The following NRXN1 variants were observed in gnomAD, a reference collection of about 807,000 sequenced individuals.
NRXN1 encodes neurexin 1, also known as neurexin-1.
NRXN1 carries 39 observed loss-of-function variants against 150.9 expected under a neutral mutation model. The ratio of observed to expected loss-of-function variants is 0.26; its 90% CI spans 0.20 to 0.34. NRXN1 has a LOEUF of 0.34. Among genes scored for constraint, NRXN1 ranks in the 10% least tolerant of loss-of-function variants. The pLI, the probability that NRXN1 is intolerant of heterozygous loss-of-function variation, is 1.00. For synonymous variants in NRXN1, 924 were observed against 757.0 expected, an observed-to-expected ratio of 1.22 and a Z score of -3.62; for missense variants, 1,815 against 1,949.9, an observed-to-expected ratio of 0.93 and a Z score of 1.30.
Position 50,912,445 on chromosome 2 carries a change from G to T in NRXN1, c.832+9424C>A, listed in dbSNP as rs187225555. ...CAAAGATAAATCTCTCAGTGGTCCTGTCCTGTTGCAATAAATCAAGATGAT... is the reference window on the plus strand; with the variant it reads ...CAAAGATAAATCTCTCAGTGGTCCTTTCCTGTTGCAATAAATCAAGATGAT... On this transcript the variant is annotated intron_variant, in intron 5 of 22. Transcript: ENST00000401669. 8.9e-4 allele frequency among the ~76,000 whole-genome samples: 135 copies of T among 151,952 alleles called. 1 individual carries two copies. The highest frequency in any genetic ancestry group is 3.1e-3 in the African/African-American group (127 of 41,474).
intron 5 of NRXN1, among the ~76,000 whole-genome samples, chr2:50,890,070 T>C (rs1038227208): frequency 2.0e-5 from 3 of 151,844 alleles, no homozygotes; most frequent in Admixed American, 6.6e-5. Flanking sequence ...TTTCCTTTAA[T>C]ATAGAGGCTT....
At chr2:50,783,076 T>A (rs748005312) in intron 5 of NRXN1, among the ~76,000 whole-genome samples, 1 of 152,158 alleles carries the variant, frequency 6.6e-6, no homozygotes, top group Non-Finnish European at 1.5e-5. Context: ...TTGAGACAGA[T>A]GAATTTTGGA....
chr2:49,930,301 A>G (rs1387001616), intron 22 of NRXN1, among the ~76,000 whole-genome samples: 1 of 152,202 alleles, frequency 6.6e-6, no homozygotes, highest in African/African-American at 2.4e-5. Context: ...CCATAATATC[A>G]TTAACAAAAT....
At chr2:50,214,514 A>C (rs1051050357) in intron 18 of NRXN1, among the ~76,000 whole-genome samples, 1 of 151,972 alleles carries the variant, frequency 6.6e-6, no homozygotes, top group East Asian at 1.9e-4. Flanking sequence ...TAGTATGACT[A>C]ATGTAAGCAA....
intron 12 of NRXN1, among the ~76,000 whole-genome samples, chr2:50,512,939 T>C (rs766032989): frequency 3.3e-5 from 5 of 152,152 alleles, no homozygotes; most frequent in African/African-American, 7.2e-5. Flanking sequence ...TAGATTCTCA[T>C]ATATTTCAGG....
At chr2:50,333,662 T>A (rs192709681) in intron 17 of NRXN1, among the ~76,000 whole-genome samples, 10 of 151,804 alleles carry the variant, frequency 6.6e-5, no homozygotes, top group Non-Finnish European at 1.5e-4. Context: ...AAGGCAGGCA[T>A]GTTAAGTGTG....
At chr2:50,807,547 G>A (rs998974073) in intron 5 of NRXN1, among the ~76,000 whole-genome samples, 2 of 152,140 alleles carry the variant, frequency 1.3e-5, no homozygotes, top group East Asian at 1.9e-4. Context: ...GGAAGATGGC[G>A]GCCCATGAGG....
intron 5 of NRXN1, among the ~76,000 whole-genome samples, chr2:50,862,506 C>T (rs753266481): frequency 8.2e-4 from 125 of 152,150 alleles, no homozygotes; most frequent in Non-Finnish European, 1.4e-3. Context: ...CTAAGGTCAA[C>T]TCATGTGTAG....
At chr2:50,154,023 A>T (rs2058859089) in intron 18 of NRXN1, among the ~76,000 whole-genome samples, 1 of 151,804 alleles carries the variant, frequency 6.6e-6, no homozygotes, top group African/African-American at 2.4e-5. Context: ...ATAATTTATC[A>T]TCCAAGTCTT....
At chr2:50,259,646 C>T (rs1380268755) in intron 17 of NRXN1, among the ~76,000 whole-genome samples, 1 of 151,816 alleles carries the variant, frequency 6.6e-6, no homozygotes, top group Non-Finnish European at 1.5e-5. Flanking sequence ...TTAAAATATT[C>T]TCCAAATGTA....
chr2:50,069,933 C>T (rs1695976666), intron 19 of NRXN1, among the ~76,000 whole-genome samples: 1 of 150,124 alleles, frequency 6.7e-6, no homozygotes, highest in African/African-American at 2.5e-5. Flanking sequence ...TCACTGCAAG[C>T]TCCACCTCCC....
At chr2:50,705,435 G>A (rs1311097772) in intron 5 of NRXN1, among the ~76,000 whole-genome samples, 1 of 152,118 alleles carries the variant, frequency 6.6e-6, no homozygotes, top group African/African-American at 2.4e-5. Context: ...ATAATCCACG[G>A]AAGCACTTAG....
intron 2 of NRXN1, among the ~76,000 whole-genome samples, chr2:51,010,905 A>G (rs1045220803): frequency 6.6e-6 from 1 of 151,786 alleles, no homozygotes; most frequent in Non-Finnish European, 1.5e-5. Context: ...CTCAGCCTCA[A>G]AAATAGCAGG....
At chr2:50,648,190 A>G (rs985086602) in intron 5 of NRXN1, among the ~76,000 whole-genome samples, 4 of 152,008 alleles carry the variant, frequency 2.6e-5, no homozygotes, top group African/African-American at 9.7e-5. Context: ...TCAATCGCCA[A>G]CAACGACATA....
chr2:50,400,161 G>C (rs1163079638), intron 17 of NRXN1, among the ~76,000 whole-genome samples: 1 of 151,954 alleles, frequency 6.6e-6, no homozygotes, highest in Non-Finnish European at 1.5e-5. Flanking sequence ...ACTGTTACTT[G>C]CTGATATAAA....
Position 50,063,885 on chromosome 2 carries a change from A to G in NRXN1, c.3719-8841T>C, listed in dbSNP as rs1044095421. Among the ~76,000 whole-genome samples the G allele has an allele frequency of 5.9e-5, 9 of 152,260 alleles. No individual in the cohort carries two copies. The East Asian group carries it at 1.7e-3, about 29-fold the overall frequency. ...TAATTGCTTGTTAAGTAATTTCTAAATGAAAACTGAACCCATACAGTTATG... is the reference window on the plus strand; with the variant it reads ...TAATTGCTTGTTAAGTAATTTCTAAGTGAAAACTGAACCCATACAGTTATG... On this transcript the variant is annotated intron_variant, in intron 19 of 22. Transcript: ENST00000401669.
At chr2:50,807,302 T>G (rs1207492355) in intron 5 of NRXN1, among the ~76,000 whole-genome samples, 1 of 152,140 alleles carries the variant, frequency 6.6e-6, no homozygotes, top group African/African-American at 2.4e-5. Flanking sequence ...CCAGCTTTGG[T>G]ATGGCTAAGG....
At chr2:50,099,491 C>T (rs868461404) in intron 18 of NRXN1, among the ~76,000 whole-genome samples, 1 of 152,058 alleles carries the variant, frequency 6.6e-6, no homozygotes, top group African/African-American at 2.4e-5. Flanking sequence ...AGAACATTTG[C>T]ATCATGCTCC....
At chr2:50,657,144 C>T (rs1004969577) in intron 5 of NRXN1, among the ~76,000 whole-genome samples, 1 of 151,966 alleles carries the variant, frequency 6.6e-6, no homozygotes, top group African/African-American at 2.4e-5. Context: ...TCCACCATTT[C>T]ATCTGTGGGC....
Sources: allele counts gnomAD v4.1 joint callset (sites outside exome capture counted in the v4.1 genomes callset), GRCh38; gene constraint gnomAD v4.1.1; transcripts MANE v1.5; gene names NCBI Gene and HGNC (gene_info 2026-07-23, HGNC 2026-07-21).